NREP: variants seen among roughly 807,000 people sequenced by gnomAD.
The protein encoded by NREP is neuronal regeneration related protein, also known as neuronal regeneration-related protein.
In NREP, 5 loss-of-function variants were observed where a neutral mutation model predicts 8.6. The observed-to-expected ratio is 0.58, with a 90% CI of 0.30 to 1.22. The LOEUF (loss-of-function observed/expected upper bound fraction) is 1.22, where lower values mean the gene tolerates loss of function less well. NREP is among the 50% of genes most tolerant of loss of function. NREP has a pLI of 0.07. For synonymous variants in NREP, 27 were observed against 28.0 expected, an observed-to-expected ratio of 0.96 and a Z score of 0.11; for missense variants, 86 against 82.5, an observed-to-expected ratio of 1.04 and a Z score of -0.17.
At chr5:111,903,027 T>C (rs575509621) in intron 2 of NREP, among the ~76,000 whole-genome samples, 3 of 152,030 alleles carry the variant, frequency 2.0e-5, no homozygotes, top group Non-Finnish European at 2.9e-5. Flanking sequence ...GAGAAGTTTA[T>C]ATTTTATATT....
At chr5:111,951,164 T>C (rs1756149564) in intron 2 of NREP, among the ~76,000 whole-genome samples, 1 of 152,112 alleles carries the variant, frequency 6.6e-6, no homozygotes. Flanking sequence ...TACTTAACAC[T>C]GTGTTTGCCA....
intron 2 of NREP, among the ~76,000 whole-genome samples, chr5:111,886,967 T>A (rs1359378741): frequency 6.6e-6 from 1 of 150,726 alleles, no homozygotes; most frequent in Non-Finnish European, 1.5e-5. Flanking sequence ...AAACTTAAAG[T>A]AGATTAATAA....
intron 1 of NREP, 71 bp downstream of exon 1, chr5:111,757,065 G>T: frequency 3.5e-6 from 1 of 288,904 alleles, no homozygotes; most frequent in Non-Finnish European, 5.2e-6. Flanking sequence ...CCAGCTAAGA[G>T]CAACGGCAAG....
chr5:111,881,111 T>G (rs943194834), intron 2 of NREP, among the ~76,000 whole-genome samples: 1 of 151,200 alleles, frequency 6.6e-6, no homozygotes, highest in Non-Finnish European at 1.5e-5. Context: ...GAAAATTGGG[T>G]TACTCCCACT....
intron 2 of NREP, among the ~76,000 whole-genome samples, chr5:111,881,320 C>G (rs1045642890): frequency 1.3e-5 from 2 of 152,060 alleles, no homozygotes; most frequent in Non-Finnish European, 2.9e-5. Context: ...ACAAAGCAGC[C>G]TGGGAAGCTC....
intron 2 of NREP, among the ~76,000 whole-genome samples, chr5:111,866,966 A>C (rs1182465916): frequency 2.0e-5 from 3 of 148,182 alleles, no homozygotes; most frequent in Non-Finnish European, 4.5e-5. Context: ...GGACACAGGA[A>C]GGGGAACATC....
chr5:111,917,920 T>A (rs1231446347), intron 2 of NREP, among the ~76,000 whole-genome samples: 3 of 152,134 alleles, frequency 2.0e-5, no homozygotes, highest in Non-Finnish European at 2.9e-5. Flanking sequence ...AGTCAAATTG[T>A]CTCTGTTTGC....
intron 2 of NREP, among the ~76,000 whole-genome samples, chr5:111,794,935 G>A: frequency 6.6e-6 from 1 of 151,222 alleles, no homozygotes; most frequent in East Asian, 1.9e-4. Flanking sequence ...TGGGGGTCAG[G>A]GGATATGTGA....
intron 2 of NREP, among the ~76,000 whole-genome samples, chr5:111,828,026 CT>C (rs1752669265): frequency 6.6e-6 from 1 of 151,756 alleles, no homozygotes; most frequent in Admixed American, 6.6e-5. Context: ...TATATATTTC[CT>C]TTAGAATTTT....
At chr5:111,763,765 T>C (rs1172401783) in intron 2 of NREP, among the ~76,000 whole-genome samples, 1 of 152,200 alleles carries the variant, frequency 6.6e-6, no homozygotes, top group Non-Finnish European at 1.5e-5. Flanking sequence ...TGTGTGTGTG[T>C]GTGTGTGTGT....
At chr5:111,973,094 T>C (rs1235247377) in intron 2 of NREP, among the ~76,000 whole-genome samples, 1 of 152,150 alleles carries the variant, frequency 6.6e-6, no homozygotes. Context: ...GATGTGACCA[T>C]TTATGCTGTC....
In NREP at chr5:111,735,473, T is replaced by G; in HGVS notation, c.38A>C (p.Gln13Pro). 1 of 1,613,314 alleles carries G rather than the reference T, an allele frequency of 6.2e-7. No homozygotes were observed. Among genetic ancestry groups the G allele is most frequent in the Non-Finnish European group, 8.5e-7 (1 of 1,179,486 alleles). ...YYPELFVWVS[Q>P]EPFPNKDMEG... ...CATGTCCTTGTTTGGAAATGGTTCT[T>G]GACTGACCCAGACAAAGAGTTCTGG... Residue 13 changes from glutamine (Q) to proline (P), a missense_variant, in exon 3 of 4, where the codon CAA (glutamine) becomes CCA (proline). Physicochemically the swap from Gln to Pro is moderately conservative, Grantham distance 76. Coordinates refer to ENST00000257435, the MANE Select transcript of NREP (RefSeq NM_004772.4).
In NREP at chr5:111,788,980, C is replaced by T. The variant is rs547784201; in HGVS notation, c.136-53473G>A. On this transcript the variant is annotated intron_variant, in intron 2 of 3. Coordinates refer to the NREP transcript ENST00000395634. ...TGGAGCATCAGCTCTTCCCGCCTGA[C>T]ATGAGCTCTTCGTGGCTCTACAGCA... 2.6e-5 allele frequency among the ~76,000 whole-genome samples: 4 copies of T among 152,332 alleles called. 1 individual carries two copies. Among genetic ancestry groups the T allele is most frequent in the East Asian group, 1.9e-4 (1 of 5,186 alleles).
intron 2 of NREP, among the ~76,000 whole-genome samples, chr5:111,896,940 T>C (rs1754525592): frequency 6.6e-6 from 1 of 152,178 alleles, no homozygotes; most frequent in Non-Finnish European, 1.5e-5. Context: ...TTAAATACCA[T>C]ATATTCTCTC....
chr5:111,945,221 T>A (rs546236643), intron 2 of NREP, among the ~76,000 whole-genome samples: 1 of 152,230 alleles, frequency 6.6e-6, no homozygotes, highest in South Asian at 2.1e-4. Context: ...AGTCTAATGC[T>A]TTTATCCTAG....
chr5:111,925,508 G>A (rs759240198), intron 2 of NREP, among the ~76,000 whole-genome samples: 7 of 152,118 alleles, frequency 4.6e-5, no homozygotes, highest in Non-Finnish European at 1.0e-4. Context: ...GTAAAAGACC[G>A]AGGTGGCTAC....
At chr5:111,976,184 A>G (rs72786301) in intron 1 of NREP, among the ~76,000 whole-genome samples, 4,942 of 152,314 alleles carry the variant, frequency 0.032, 115 homozygotes, top group Non-Finnish European at 0.046. Flanking sequence ...AAGATTATAC[A>G]ATAGCTTTTG....
chr5:111,923,413 G>T (rs1326589066), intron 2 of NREP, among the ~76,000 whole-genome samples: 1 of 152,194 alleles, frequency 6.6e-6, no homozygotes, highest in South Asian at 2.1e-4. Flanking sequence ...TCACAGTCAT[G>T]TTCAGGTTCC....
chr5:111,765,789 C>A (rs1751067924), intron 2 of NREP, among the ~76,000 whole-genome samples: 1 of 152,160 alleles, frequency 6.6e-6, no homozygotes, highest in African/African-American at 2.4e-5. Context: ...TCTTTGACCT[C>A]TCCTTCTTGA....
Sources: gnomAD v4.1 joint callset for allele counts (sites outside exome capture counted in the v4.1 genomes callset) on GRCh38, gnomAD v4.1.1 for gene constraint, MANE v1.5 for transcripts, NCBI Gene and HGNC (gene_info 2026-07-23, HGNC 2026-07-21) for gene names.